The following NFE2L3 variants were observed in gnomAD, a reference collection of about 807,000 sequenced individuals.
NFE2L3 encodes the protein nuclear factor erythroid 2-related factor 3.
In NFE2L3, 18 loss-of-function variants were observed where a neutral mutation model predicts 23.5. The ratio of observed to expected loss-of-function variants is 0.77; its 90% CI spans 0.53 to 1.13. NFE2L3 has a LOEUF of 1.13. Among genes scored for constraint, NFE2L3 ranks in the 50% most tolerant of loss-of-function variants. The pLI, the probability that NFE2L3 is intolerant of heterozygous loss-of-function variation, is 0.00. For synonymous variants in NFE2L3, 424 were observed against 354.5 expected (o/e 1.20, Z -2.20); for missense variants, 1,152 against 877.2 (o/e 1.31, Z -3.96).
chr7:26,158,924 G>A lies in NFE2L3; in HGVS notation c.570+5856G>A, dbSNP rs138720681. ...AGTAAGAGCACCTTAGGGAAGTGGT[G>A]GTGAGGATTGAATGAGATAGTGCAA... is the stretch of plus-strand genomic sequence containing the variant. On this transcript the variant is annotated intron_variant, in intron 1 of 3. Transcript: ENST00000056233. Among the ~76,000 whole-genome samples the A allele has an allele frequency of 2.6e-3, 401 of 152,298 alleles. 2 individuals are homozygous for A. The highest frequency in any genetic ancestry group is 4.6e-3 in the Admixed American group (71 of 15,306).
At chr7:26,167,436 A>C (rs367655963) in intron 1 of NFE2L3, among the ~76,000 whole-genome samples, 1 of 152,274 alleles carries the variant, frequency 6.6e-6, no homozygotes. Flanking sequence ...AGCAGGTGCC[A>C]GTTCTGTACA....
Position 26,185,998 on chromosome 7 carries a change from A to G in NFE2L3, c.*215A>G. 2.2e-6 allele frequency: 1 copy of G among 459,846 alleles called. No individual in the cohort carries two copies. Among genetic ancestry groups the G allele is most frequent in the Non-Finnish European group, 3.8e-6 (1 of 260,940 alleles). 28.5% of individuals were successfully genotyped at this position (459,846 alleles called of 1,614,324 possible). ...TCTGGGGGAGCCACAACTTTTCATG[A>G]AGTGCATTGTATACAAAATTCATAG... On this transcript the variant is annotated 3_prime_UTR_variant, in exon 4 of 4. Coordinates refer to ENST00000056233, the MANE Select transcript of NFE2L3 (RefSeq NM_004289.7).
At chr7:26,182,311 T>TGAAGCA (rs60441813) in intron 2 of NFE2L3, among the ~76,000 whole-genome samples, 6,717 of 152,124 alleles carry the variant, frequency 0.044, 343 homozygotes, top group East Asian at 0.28. Context: ...TAACTCATCA[T>TGAAGCA]TTAAGCATGA....
chr7:26,153,988 G>T (rs891898956), intron 1 of NFE2L3, among the ~76,000 whole-genome samples: 1 of 152,206 alleles, frequency 6.6e-6, no homozygotes, highest in Admixed American at 6.5e-5. Context: ...AATGTTCTTC[G>T]GGTGTTGTTT....
intron 1 of NFE2L3, among the ~76,000 whole-genome samples, chr7:26,154,641 C>T (rs1199281070): frequency 1.3e-5 from 2 of 152,216 alleles, no homozygotes; most frequent in African/African-American, 4.8e-5. Flanking sequence ...GCCTCAACCT[C>T]CCCGGCTCCA....
chr7:26,182,174 AT>A (rs1466930370), intron 2 of NFE2L3, among the ~76,000 whole-genome samples: 1 of 152,202 alleles, frequency 6.6e-6, no homozygotes, highest in Non-Finnish European at 1.5e-5. Context: ...AAGAAGAAAC[AT>A]TTTTTAAATT....
chr7:26,179,939 T>C (rs11974650), intron 2 of NFE2L3, among the ~76,000 whole-genome samples: 11,467 of 152,150 alleles, frequency 0.075, 645 homozygotes, highest in African/African-American at 0.15. Flanking sequence ...GCTGGGAGTC[T>C]TCCTCTTGAC....
In NFE2L3 at chr7:26,185,935, A is replaced by C; in HGVS notation, c.*152A>C. 1.5e-6 allele frequency: 1 copy of C among 675,660 alleles called. No individual in the cohort carries two copies. The highest frequency in any genetic ancestry group is 2.4e-6 in the Non-Finnish European group (1 of 421,456). 41.9% of individuals were successfully genotyped at this position (675,660 alleles called of 1,614,324 possible). On this transcript the variant is annotated 3_prime_UTR_variant, in exon 4 of 4. Transcript: ENST00000056233. ...TAACGCTGTTTTGAAGCTTACATGG[A>C]CAAATGTTTAGGACTTCAAGATCAC... is the stretch of plus-strand genomic sequence containing the variant.
intron 1 of NFE2L3, among the ~76,000 whole-genome samples, chr7:26,157,602 T>C (rs1172647463): frequency 1.3e-5 from 2 of 152,220 alleles, no homozygotes; most frequent in African/African-American, 4.8e-5. Context: ...CTCACAGCTA[T>C]GTTACGGAAA....
chr7:26,182,692 G>C (rs1782342718), intron 2 of NFE2L3, among the ~76,000 whole-genome samples: 1 of 151,784 alleles, frequency 6.6e-6, no homozygotes, highest in Non-Finnish European at 1.5e-5. Flanking sequence ...ACTCTGAAGA[G>C]TTCTTTCAAC....
At chr7:26,158,240 G>A (rs1243779923) in intron 1 of NFE2L3, among the ~76,000 whole-genome samples, 2 of 152,002 alleles carry the variant, frequency 1.3e-5, no homozygotes, top group Non-Finnish European at 1.5e-5. Flanking sequence ...TAGAGACGAG[G>A]GTTTTGCCAT....
At chr7:26,158,078 T>G (rs1384856748) in intron 1 of NFE2L3, among the ~76,000 whole-genome samples, 1 of 152,160 alleles carries the variant, frequency 6.6e-6, no homozygotes, top group Non-Finnish European at 1.5e-5. Context: ...AGATGGAATC[T>G]TGCTCTGTCT....
chr7:26,173,078 T>C (rs905373315), intron 1 of NFE2L3, among the ~76,000 whole-genome samples: 1 of 152,192 alleles, frequency 6.6e-6, no homozygotes, highest in African/African-American at 2.4e-5. Context: ...TTGATTCTTT[T>C]ATTCAACTCA....
At position 26,184,888 on chromosome 7, in the gene NFE2L3, T is replaced by A. The variant is rs758979449; in HGVS notation, c.1190T>A (p.Leu397Ter). Residue 397 changes from leucine to a stop codon, truncating the protein, a stop_gained, in exon 4 of 4, where the codon TTG becomes TAG. Coordinates refer to ENST00000056233, the MANE Select transcript of NFE2L3 (RefSeq NM_004289.7). LOFTEE classifies it low-confidence loss of function (END_TRUNC). ...TTTGATGAGATAAACTTAATGTCAT[T>A]GGCCACAGAAGACAACTTTGATCCA... ...NIFDEINLMSLATEDNFDPID... is the reference protein window; with the variant it reads ...NIFDEINLMS The A allele has an allele frequency of 1.9e-6, 3 of 1,613,974 alleles. No individual in the cohort carries two copies. The South Asian group carries it at 3.3e-5, about 18-fold the overall frequency.
chr7:26,155,746 A>T (rs1473568585), intron 1 of NFE2L3, among the ~76,000 whole-genome samples: 1 of 152,202 alleles, frequency 6.6e-6, no homozygotes, highest in Admixed American at 6.5e-5. Context: ...AATGGGCTGG[A>T]AAAACAACAC....
At position 26,152,796 on chromosome 7, in the gene NFE2L3, G is replaced by T. The variant is rs943621761; in HGVS notation, c.298G>T (p.Val100Phe). 2 of 1,486,170 alleles carry T rather than the reference G, an allele frequency of 1.3e-6. No individual in the cohort carries two copies. The highest frequency in any genetic ancestry group is 2.9e-5 in the African/African-American group (2 of 68,568). The allele number at this position is 1,486,170 out of a possible 1,614,324, so 92.1% of individuals were successfully genotyped here. Residue 100 changes from valine to phenylalanine, a missense_variant, in exon 1 of 4, where the codon GTC becomes TTC. Coordinates refer to ENST00000056233, the MANE Select transcript of NFE2L3 (RefSeq NM_004289.7). The surrounding 1 kb of genome is among the most constrained non-coding windows in gnomAD (Gnocchi z 4.4). The stretch of plus-strand genomic sequence containing the variant: ...GCTCCGGGAGGTGCGCGCGCTCGGG[G>T]TCCCCTTCGTCCCTCGCACCAGCGT... ...QLLREVRALG[V>F]PFVPRTSVDA...
intron 1 of NFE2L3, among the ~76,000 whole-genome samples, chr7:26,158,395 G>A (rs560209275): frequency 2.1e-4 from 32 of 152,224 alleles, no homozygotes; most frequent in African/African-American, 7.5e-4. Flanking sequence ...CATGAATTTT[G>A]GGGACACAGT....
At chr7:26,173,443 T>C (rs906440439) in intron 1 of NFE2L3, 2 of 152,240 alleles carry the variant, frequency 1.3e-5, no homozygotes. Flanking sequence ...TAGGGGACTT[T>C]GCTTCATGGT....
intron 1 of NFE2L3, among the ~76,000 whole-genome samples, chr7:26,159,864 T>C (rs900440596): frequency 2.6e-5 from 4 of 151,840 alleles, no homozygotes; most frequent in African/African-American, 9.7e-5. Flanking sequence ...TTCTGCTCAC[T>C]ATAAAACTTC....
Sources: allele counts gnomAD v4.1 joint callset (sites outside exome capture counted in the v4.1 genomes callset), GRCh38; gene constraint gnomAD v4.1.1; non-coding constraint Gnocchi (gnomAD v3.1); transcripts MANE v1.5; gene names NCBI Gene and HGNC (gene_info 2026-07-23, HGNC 2026-07-21).